Variants in ZBTB20 observed in about 807,000 individuals in gnomAD.
ZBTB20 encodes the protein zinc finger and BTB domain-containing protein 20.
In ZBTB20, 9 loss-of-function variants were observed where a neutral mutation model predicts 56.9. The ratio of observed to expected loss-of-function variants is 0.16; its 90% confidence interval spans 0.10 to 0.28. The LOEUF is 0.28. Among genes scored for constraint, ZBTB20 ranks in the 10% least tolerant of loss-of-function variants. ZBTB20 has a pLI of 1.00. For missense variants in ZBTB20, 655 were observed against 1,003.0 expected, an observed-to-expected ratio of 0.65 and a Z score of 4.69; for synonymous variants, 417 against 420.7, an observed-to-expected ratio of 0.99 and a Z score of 0.11.
intron 3 of ZBTB20, among the ~76,000 whole-genome samples, chr3:114,939,296 A>G (rs1220542226): frequency 6.8e-6 from 1 of 146,630 alleles, no homozygotes; most frequent in Non-Finnish European, 1.5e-5. Flanking sequence ...GAAAGGATAG[A>G]AACAATTTAA....
At chr3:114,694,414 C>A (rs1250751286) in intron 5 of ZBTB20, among the ~76,000 whole-genome samples, 2 of 152,074 alleles carry the variant, frequency 1.3e-5, no homozygotes, top group Non-Finnish European at 2.9e-5. Context: ...AAAGATCACT[C>A]AGCACCCCCA....
intron 3 of ZBTB20, among the ~76,000 whole-genome samples, chr3:114,924,202 G>A (rs1473287791): frequency 6.6e-6 from 1 of 152,000 alleles, no homozygotes; most frequent in Non-Finnish European, 1.5e-5. Context: ...CCCACTTCTG[G>A]GTTTATATCC....
chr3:114,976,676 T>C (rs147743760), intron 2 of ZBTB20, among the ~76,000 whole-genome samples: 1 of 151,842 alleles, frequency 6.6e-6, no homozygotes, highest in Non-Finnish European at 1.5e-5. Context: ...TAGGATTAAA[T>C]AATACATATT....
intron 6 of ZBTB20, among the ~76,000 whole-genome samples, chr3:114,580,139 T>C (rs2054501678): frequency 6.6e-6 from 1 of 151,572 alleles, no homozygotes. Context: ...TTAAACTCAA[T>C]AGTAGATTAA....
intron 3 of ZBTB20, among the ~76,000 whole-genome samples, chr3:114,958,226 T>C (rs1156405537): frequency 1.3e-5 from 2 of 152,238 alleles, no homozygotes; most frequent in Non-Finnish European, 2.9e-5. Flanking sequence ...GGATCTGCTA[T>C]TCTCCAGGCA....
intron 1 of ZBTB20, among the ~76,000 whole-genome samples, chr3:115,114,595 AT>A (rs2083967784): frequency 6.6e-6 from 1 of 152,166 alleles, no homozygotes; most frequent in Non-Finnish European, 1.5e-5. Flanking sequence ...TTATAACATT[AT>A]GTTCCAAGTT....
chr3:114,886,024 C>G (rs2076587986), intron 4 of ZBTB20, among the ~76,000 whole-genome samples: 1 of 152,202 alleles, frequency 6.6e-6, no homozygotes, highest in African/African-American at 2.4e-5. Context: ...TCAGCAAATG[C>G]TTCCAATTAT....
intron 2 of ZBTB20, among the ~76,000 whole-genome samples, chr3:115,004,309 T>C (rs1483118569): frequency 2.0e-5 from 3 of 151,716 alleles, no homozygotes; most frequent in African/African-American, 7.3e-5. Flanking sequence ...ACTGCTATGG[T>C]CTAAAATGAC....
intron 7 of ZBTB20, among the ~76,000 whole-genome samples, chr3:114,484,963 A>G (rs2109411558): frequency 6.6e-6 from 1 of 152,282 alleles, no homozygotes; most frequent in African/African-American, 2.4e-5. Context: ...CTTAAAAGGA[A>G]CTTTGATCTT....
intron 8 of ZBTB20, chr3:114,387,313 C>G (rs1157181682): frequency 6.6e-6 from 1 of 152,082 alleles, no homozygotes; most frequent in Non-Finnish European, 1.5e-5. Context: ...GATTTTTGCA[C>G]CTAGCAAGTT....
chr3:114,689,367 G>A (rs1436814262), intron 6 of ZBTB20, among the ~76,000 whole-genome samples: 1 of 152,136 alleles, frequency 6.6e-6, no homozygotes, highest in Admixed American at 6.6e-5. Flanking sequence ...GAAAATCTTG[G>A]TTGGTGGGGG....
chr3:114,396,131 G>T (rs547074604), intron 7 of ZBTB20, among the ~76,000 whole-genome samples: 1 of 152,248 alleles, frequency 6.6e-6, no homozygotes. Context: ...CCTGCCACAG[G>T]TCATGTTAAT....
chr3:115,068,295 A>C (rs1245056498), intron 2 of ZBTB20, among the ~76,000 whole-genome samples: 1 of 152,052 alleles, frequency 6.6e-6, no homozygotes, highest in African/African-American at 2.4e-5. Context: ...ATGTAAAATA[A>C]CTGTATGGAA....
rs1355410683 is a variant in ZBTB20, at chr3:114,743,082, C to A, written c.-342-49507G>T. Among the ~76,000 whole-genome samples the A allele has an allele frequency of 3.9e-5, 6 of 152,094 alleles. No homozygotes were observed. The South Asian group carries it at 1.2e-3, about 32-fold the overall frequency. On this transcript the variant is annotated intron_variant, in intron 5 of 11. Transcript: ENST00000675478. ...ACAATTTTTTTACAAAGCATTGTCA[C>A]AGCAGAACATGGTCATAAGTCCATC...
At chr3:114,474,573 C>T (rs749683958) in intron 7 of ZBTB20, among the ~76,000 whole-genome samples, 13 of 152,092 alleles carry the variant, frequency 8.5e-5, no homozygotes, top group African/African-American at 1.7e-4. Context: ...ACTATAGTGT[C>T]GTGTCTCCAA....
chr3:115,101,377 TATG>T (rs2083577246), intron 1 of ZBTB20, among the ~76,000 whole-genome samples: 1 of 152,204 alleles, frequency 6.6e-6, no homozygotes. Flanking sequence ...GTTCCAAAAT[TATG>T]ATGTTATTAT....
At chr3:114,411,915 C>T (rs1035132802) in intron 7 of ZBTB20, among the ~76,000 whole-genome samples, 15 of 152,102 alleles carry the variant, frequency 9.9e-5, no homozygotes, top group African/African-American at 2.7e-4. Context: ...GCTAGGCTTA[C>T]GGAACATCTC....
At position 114,815,150 on chromosome 3, in the gene ZBTB20, T is replaced by C. The variant is rs149363838; in HGVS notation, c.-416-13976A>G. On this transcript the variant is annotated intron_variant, in intron 4 of 11. Coordinates refer to ENST00000675478, the MANE Select transcript of ZBTB20 (RefSeq NM_001348800.3). ...TAGAATGTTAACAAGTTCGGAGACA[T>C]GGATTATTTGTACAATAAAATACTT... Among the ~76,000 whole-genome samples the C allele has an allele frequency of 1.6e-3, 246 of 152,296 alleles. 1 individual carries two copies. Among genetic ancestry groups the C allele is most frequent in the African/African-American group, 5.6e-3 (233 of 41,564 alleles).
intron 3 of ZBTB20, among the ~76,000 whole-genome samples, chr3:114,961,731 G>A (rs2077460494): frequency 6.6e-6 from 1 of 151,990 alleles, no homozygotes; most frequent in African/African-American, 2.4e-5. Flanking sequence ...TCATAACAGG[G>A]CTTCTTTGTT....
Sources: gnomAD v4.1 joint callset for allele counts (sites outside exome capture counted in the v4.1 genomes callset) on GRCh38, gnomAD v4.1.1 for gene constraint, MANE v1.5 for transcripts, NCBI Gene and HGNC (gene_info 2026-07-23, HGNC 2026-07-21) for gene names.